The following GRIA1 variants were observed in gnomAD, a reference collection of about 807,000 sequenced individuals.
GRIA1 encodes glutamate ionotropic receptor AMPA type subunit 1.
GRIA1 carries 31 observed loss-of-function variants against 99.2 expected under a neutral mutation model. The ratio of observed to expected loss-of-function variants is 0.31; its 90% CI spans 0.23 to 0.42. The LOEUF (loss-of-function observed/expected upper bound fraction) is 0.42, where lower values mean the gene tolerates loss of function less well. GRIA1 is among the 10% of genes least tolerant of loss of function. The probability of loss-of-function intolerance (pLI) is 1.00; values close to 1 mark genes in which losing one functional copy is unlikely to be tolerated. For missense variants in GRIA1, 782 were observed against 1,157.5 expected (o/e 0.68, Z 4.71); for synonymous variants, 438 against 432.4 (o/e 1.01, Z -0.16).
intron 11 of GRIA1, among the ~76,000 whole-genome samples, chr5:153,739,209 A>G (rs989818783): frequency 3.3e-5 from 5 of 151,118 alleles, no homozygotes; most frequent in African/African-American, 1.2e-4. Flanking sequence ...GCACCTTTCC[A>G]CCAAGGATCT....
At chr5:153,556,942 TA>T (rs1441035280) in intron 2 of GRIA1, among the ~76,000 whole-genome samples, 2 of 152,214 alleles carry the variant, frequency 1.3e-5, no homozygotes, top group African/African-American at 4.8e-5. Context: ...TGATACAGAT[TA>T]TAGCTCCTAG....
intron 4 of GRIA1, among the ~76,000 whole-genome samples, chr5:153,654,247 A>G (rs1179677334): frequency 6.6e-6 from 1 of 152,158 alleles, no homozygotes; most frequent in East Asian, 1.9e-4. Context: ...GTTGGGGAAT[A>G]GATAGATGGG....
At chr5:153,576,628 T>C (rs1370976890) in intron 2 of GRIA1, among the ~76,000 whole-genome samples, 1 of 152,202 alleles carries the variant, frequency 6.6e-6, no homozygotes, top group Non-Finnish European at 1.5e-5. Context: ...TCTGTTAAAA[T>C]ATATATATTG....
In GRIA1 at chr5:153,699,058, A is replaced by C; in HGVS notation, c.1437A>C (p.Gly479=). ...PDTKAWNGMV[G]ELVYGRADVA... is the part of the protein sequence containing the mutation. ...CGAAGGCCTGGAATGGCATGGTGGG[A>C]GAGCTGGTCTATGGAGTAAGTTCAC... Residue 479 remains glycine, a synonymous_variant, in exon 10 of 16, where the codon GGA becomes GGC. Coordinates refer to ENST00000285900, the MANE Select transcript of GRIA1 (RefSeq NM_000827.4). 6.2e-7 allele frequency: 1 copy of C among 1,612,634 alleles called. No individual in the cohort carries two copies.
Position 153,705,917 on chromosome 5 carries a change from G to A in GRIA1, c.1673G>A (p.Ser558Asn). ...IGVSVVLFLV[S>N]RFSPYEWHSE... ...GTGAGTGTTGTCCTCTTCCTGGTCA[G>A]CCGCTTCAGTCCCTATGAATGGCAC... The change falls in exon 11 of 16, where the codon AGC becomes AAC. Residue 558 changes from serine (S) to asparagine (N), a missense_variant. Ser to Asn is a conservative substitution (Grantham distance 46). Around this residue, in one of 5 missense-constraint regions of GRIA1, gnomAD observed 39 missense variants for 43.5 expected, o/e 0.90. Coordinates refer to ENST00000285900, the MANE Select transcript of GRIA1 (RefSeq NM_000827.4). 1.2e-6 allele frequency: 2 copies of A among 1,613,954 alleles called. No individual in the cohort carries two copies. Among genetic ancestry groups the A allele is most frequent in the Non-Finnish European group, 1.7e-6 (2 of 1,179,976 alleles).
chr5:153,746,046 C>G (rs763056696), intron 11 of GRIA1, among the ~76,000 whole-genome samples: 9 of 152,314 alleles, frequency 5.9e-5, no homozygotes, highest in Middle Eastern at 6.8e-3. Context: ...GAAACCGAGG[C>G]TCAGAGATGT....
chr5:153,764,265 T>G (rs1217401764), intron 11 of GRIA1, among the ~76,000 whole-genome samples, 169 bp from the exon 12 acceptor site: 1 of 152,170 alleles, frequency 6.6e-6, no homozygotes, highest in Admixed American at 6.5e-5. Context: ...GAACAAAATA[T>G]GGAGTCTCTC....
At chr5:153,803,343 C>T (rs1766184188) in intron 15 of GRIA1, among the ~76,000 whole-genome samples, 1 of 152,150 alleles carries the variant, frequency 6.6e-6, no homozygotes, top group Non-Finnish European at 1.5e-5. Context: ...CTTCAAGGCC[C>T]CTCAACATTT....
intron 5 of GRIA1, among the ~76,000 whole-genome samples, chr5:153,673,344 T>C (rs558826702): frequency 2.2e-4 from 33 of 152,338 alleles, no homozygotes; most frequent in African/African-American, 7.7e-4. Context: ...TTATCCTTCA[T>C]GGGGCTCATT....
Position 153,705,992 on chromosome 5 carries a change from A to G in GRIA1, c.1748A>G (p.Asn583Ser), listed in dbSNP as rs1758864523. 2.5e-6 allele frequency: 4 copies of G among 1,613,978 alleles called. No homozygotes were observed. The highest frequency in any genetic ancestry group is 3.4e-6 in the Non-Finnish European group (4 of 1,179,924). ...GRDQTTSDQS[N>S]EFGIFNSLWF... ...GACCAGACAACCAGTGACCAGTCCA[A>G]TGAGTTTGGGATATTCAACAGTTTG... The change falls in exon 11 of 16, where the codon AAT (asparagine) becomes AGT (serine). Residue 583 changes from asparagine to serine, a missense_variant. Physicochemically the swap from Asn to Ser is conservative, Grantham distance 46. This residue lies in a region of GRIA1 where 39 missense variants were observed against 43.5 expected (regional missense o/e 0.90). Coordinates refer to ENST00000285900, the MANE Select transcript of GRIA1 (RefSeq NM_000827.4).
intron 13 of GRIA1, among the ~76,000 whole-genome samples, chr5:153,793,643 A>C (rs1030821792): frequency 1.3e-5 from 2 of 152,188 alleles, no homozygotes; most frequent in Admixed American, 6.5e-5. Flanking sequence ...TCACACTTGA[A>C]CAGGGTCTCA....
At position 153,670,624 on chromosome 5, in the gene GRIA1, T is replaced by C. The variant is rs796973017; in HGVS notation, c.700-3876T>C. Among the ~76,000 whole-genome samples, 27 of 152,108 alleles carry C rather than the reference T, an allele frequency of 1.8e-4. 1 individual carries two copies. The highest frequency in any genetic ancestry group is 6.5e-4 in the African/African-American group (27 of 41,526). On this transcript the variant is annotated intron_variant, in intron 5 of 15. Coordinates refer to ENST00000285900, the MANE Select transcript of GRIA1 (RefSeq NM_000827.4). ...AATACTATATAATTAATAGCACAAA[T>C]AAAGCAGATAAAGAAAAATGTTCTA...
chr5:153,721,084 A>G (rs919083982), intron 11 of GRIA1, among the ~76,000 whole-genome samples: 3 of 152,178 alleles, frequency 2.0e-5, no homozygotes, highest in African/African-American at 7.2e-5. Context: ...AGAAGCAAAT[A>G]TATCAGCCTT....
chr5:153,808,811 A>G (rs1352177492), intron 15 of GRIA1, among the ~76,000 whole-genome samples: 2 of 152,252 alleles, frequency 1.3e-5, no homozygotes, highest in African/African-American at 4.8e-5. Context: ...GTAACCATCC[A>G]TGATAAGGGT....
At chr5:153,799,528 C>T (rs1434197953) in intron 14 of GRIA1, among the ~76,000 whole-genome samples, 3 of 152,204 alleles carry the variant, frequency 2.0e-5, no homozygotes, top group African/African-American at 7.2e-5. Context: ...TACACCAACA[C>T]CAGTCCTTCA....
At chr5:153,722,712 T>G (rs547555906) in intron 11 of GRIA1, among the ~76,000 whole-genome samples, 2 of 152,232 alleles carry the variant, frequency 1.3e-5, no homozygotes, top group East Asian at 3.8e-4. Context: ...TTAAGCTTTA[T>G]AGTAAGTCTT....
chr5:153,764,766 C>A lies in GRIA1; in HGVS notation c.2022+134C>A, dbSNP rs938009686. On this transcript the variant is annotated intron_variant, in intron 12 of 15. Transcript: ENST00000285900. ...CTTAACTGACTGTAAGTCAGGGAAACTCAGGACATTTCTAAGCTTTCTACC... is the reference window on the plus strand; with the variant it reads ...CTTAACTGACTGTAAGTCAGGGAAAATCAGGACATTTCTAAGCTTTCTACC... The A allele has an allele frequency of 6.2e-6, 4 of 645,148 alleles. No individual in the cohort carries two copies. In the African/African-American group the frequency reaches 7.3e-5, roughly 12 times the overall value. The allele number at this position is 645,148 out of a possible 1,614,324, so 40.0% of individuals were successfully genotyped here.
At chr5:153,587,763 C>A (rs1763619518) in intron 2 of GRIA1, among the ~76,000 whole-genome samples, 1 of 152,178 alleles carries the variant, frequency 6.6e-6, no homozygotes, top group Admixed American at 6.5e-5. Flanking sequence ...TCAGGGAATA[C>A]AATGATAACC....
intron 2 of GRIA1, among the ~76,000 whole-genome samples, chr5:153,544,149 A>C (rs1759397871): frequency 6.6e-6 from 1 of 152,224 alleles, no homozygotes; most frequent in South Asian, 2.1e-4. Flanking sequence ...CACTGTGATA[A>C]GAATGCTAGG....
Sources: allele counts gnomAD v4.1 joint callset (sites outside exome capture counted in the v4.1 genomes callset), GRCh38; gene constraint gnomAD v4.1.1; regional missense constraint gnomAD v4.1.1; transcripts MANE v1.5; gene names NCBI Gene and HGNC (gene_info 2026-07-23, HGNC 2026-07-21).